The following ROCK1 variants were observed in gnomAD, a reference collection of about 807,000 sequenced individuals.
The protein encoded by ROCK1 is rho-associated protein kinase 1.
Under a neutral mutation model 196.8 loss-of-function variants are expected in ROCK1, and 36 were observed. The observed-to-expected ratio is 0.18, with a 90% CI of 0.14 to 0.24. The LOEUF is 0.24. Among genes scored for constraint, ROCK1 ranks in the 10% least tolerant of loss-of-function variants. The probability of loss-of-function intolerance (pLI) is 1.00; values close to 1 mark genes in which losing one functional copy is unlikely to be tolerated. For synonymous variants in ROCK1, 443 were observed against 515.9 expected (o/e 0.86, Z 1.91); for missense variants, 920 against 1,562.0 (o/e 0.59, Z 6.93).
chr18:21,044,690 T>A (rs960003595), intron 5 of ROCK1, among the ~76,000 whole-genome samples: 2 of 152,192 alleles, frequency 1.3e-5, no homozygotes, highest in African/African-American at 4.8e-5. Context: ...TTTAAAAAAT[T>A]AACATCAAAG....
intron 18 of ROCK1, among the ~76,000 whole-genome samples, 157 bp downstream of exon 18, chr18:20,991,019 C>T (rs1017910670): frequency 6.6e-6 from 1 of 152,114 alleles, no homozygotes; most frequent in Non-Finnish European, 1.5e-5. Flanking sequence ...TTCAGCCTCC[C>T]AAAGTGATGG....
At chr18:21,042,540 G>C (rs772623859) in intron 7 of ROCK1, 25 bp downstream of exon 7, 12 of 1,610,292 alleles carry the variant, frequency 7.5e-6, no homozygotes, top group Admixed American at 5.0e-5. Flanking sequence ...CTGTAATAGA[G>C]AGACATAAAA....
chr18:21,009,166 C>CT (rs59587626), intron 13 of ROCK1, among the ~76,000 whole-genome samples: 3,418 of 122,004 alleles, frequency 0.028, 73 homozygotes, highest in Non-Finnish European at 0.032. Flanking sequence ...TTGAGACAGG[C>CT]TTTTTTTTTT....
intron 2 of ROCK1, among the ~76,000 whole-genome samples, chr18:21,059,267 A>C (rs1354689580): frequency 6.6e-6 from 1 of 152,086 alleles, no homozygotes; most frequent in Non-Finnish European, 1.5e-5. Flanking sequence ...CCACCACCTT[A>C]TCTGACCAAG....
At chr18:21,065,060 C>A (rs370681289) in intron 2 of ROCK1, among the ~76,000 whole-genome samples, 5 of 152,210 alleles carry the variant, frequency 3.3e-5, no homozygotes, top group East Asian at 3.8e-4. Flanking sequence ...ATGCAAAGAA[C>A]AGCCTCCCAG....
At chr18:21,028,693 A>C (rs2035981980) in intron 10 of ROCK1, 83 bp downstream of exon 10, 5 of 1,240,764 alleles carry the variant, frequency 4.0e-6, no homozygotes, top group Non-Finnish European at 5.6e-6. Flanking sequence ...ATATAGCATT[A>C]AATCTACTTT....
At chr18:20,970,309 A>T in intron 23 of ROCK1, 39 bp downstream of exon 23, 2 of 1,527,392 alleles carry the variant, frequency 1.3e-6, no homozygotes, top group Non-Finnish European at 1.8e-6. Context: ...ATTGTGATTT[A>T]AATAAATTTT....
At chr18:20,997,649 AT>A (rs1278812433) in intron 16 of ROCK1, among the ~76,000 whole-genome samples, 1 of 152,124 alleles carries the variant, frequency 6.6e-6, no homozygotes, top group Non-Finnish European at 1.5e-5. Flanking sequence ...CCTCATAAAT[AT>A]TTACAGAACA....
intron 16 of ROCK1, among the ~76,000 whole-genome samples, chr18:20,999,494 A>G (rs1330206348): frequency 6.6e-6 from 1 of 152,186 alleles, no homozygotes; most frequent in East Asian, 1.9e-4. Context: ...TGAAATACCC[A>G]CAGCTAACAT....
At chr18:21,001,132 G>C (rs185492516) in intron 16 of ROCK1, among the ~76,000 whole-genome samples, 13 of 152,232 alleles carry the variant, frequency 8.5e-5, no homozygotes, top group African/African-American at 3.1e-4. Flanking sequence ...CTACAATATA[G>C]ATGAACCTGT....
intron 18 of ROCK1, among the ~76,000 whole-genome samples, chr18:20,989,954 A>C (rs969435630): frequency 2.0e-5 from 3 of 152,178 alleles, no homozygotes; most frequent in Non-Finnish European, 4.4e-5. Flanking sequence ...GTTCAAAAAA[A>C]ATTGACAGCC....
Position 21,042,723 on chromosome 18 carries a change from C to A in ROCK1, c.676-14G>T. On this transcript the variant is annotated splice_polypyrimidine_tract_variant and intron_variant, in intron 6 of 32. Coordinates refer to ENST00000399799, the MANE Select transcript of ROCK1 (RefSeq NM_005406.3). ...TACCATGCCTTCCTAAAAAGCGCGG[C>A]AGGTCAAATTTTGAATTAGGATATA... 1 of 1,580,946 alleles carries A rather than the reference C, an allele frequency of 6.3e-7. No homozygotes were observed. The highest frequency in any genetic ancestry group is 2.3e-5 in the East Asian group (1 of 43,670).
chr18:20,979,536 C>G (rs62089198), intron 22 of ROCK1, among the ~76,000 whole-genome samples: 1 of 151,950 alleles, frequency 6.6e-6, no homozygotes, highest in South Asian at 2.1e-4. Context: ...GCAGGAGAAT[C>G]GCTTGAACCC....
At chr18:20,960,471 G>C (rs2035316570) in intron 27 of ROCK1, among the ~76,000 whole-genome samples, 1 of 151,872 alleles carries the variant, frequency 6.6e-6, no homozygotes, top group East Asian at 1.9e-4. Context: ...ATACCCTTAA[G>C]AGCCAGGCAA....
chr18:21,110,744 C>A, intron 1 of ROCK1, 74 bp downstream of exon 1: 2 of 1,198,060 alleles, frequency 1.7e-6, no homozygotes, highest in Non-Finnish European at 2.5e-6. Flanking sequence ...ACTTTTGCAG[C>A]GAACCAGACT....
intron 1 of ROCK1, among the ~76,000 whole-genome samples, chr18:21,092,601 A>AAAAAAAAAAG (rs2036580739): frequency 6.6e-6 from 1 of 151,766 alleles, no homozygotes; most frequent in African/African-American, 2.4e-5. Flanking sequence ...AAAAAAAAAA[A>AAAAAAAAAAG]AAACCAACAC....
At chr18:21,041,700 C>T (rs1219975780) in intron 8 of ROCK1, among the ~76,000 whole-genome samples, 2 of 152,008 alleles carry the variant, frequency 1.3e-5, no homozygotes, top group Admixed American at 1.3e-4. Context: ...GGTGTATCAC[C>T]GTTTTTATAC....
At chr18:20,989,087 C>A (rs989584254) in intron 18 of ROCK1, among the ~76,000 whole-genome samples, 1 of 152,084 alleles carries the variant, frequency 6.6e-6, no homozygotes, top group Non-Finnish European at 1.5e-5. Flanking sequence ...TGAAAAGCCA[C>A]TAAAGGATTT....
At chr18:21,079,117 T>C (rs10084016) in intron 1 of ROCK1, among the ~76,000 whole-genome samples, 25,882 of 152,106 alleles carry the variant, frequency 0.17, 4,570 homozygotes, top group African/African-American at 0.44. Flanking sequence ...CTGTGGTCTT[T>C]CGCAGGCCTT....
Sources: gnomAD v4.1 joint callset for allele counts (sites outside exome capture counted in the v4.1 genomes callset) on GRCh38, gnomAD v4.1.1 for gene constraint, MANE v1.5 for transcripts, NCBI Gene and HGNC (gene_info 2026-07-23, HGNC 2026-07-21) for gene names.